The following DLC1 variants were observed in gnomAD, a reference collection of about 807,000 sequenced individuals.
DLC1 encodes the protein rho GTPase-activating protein 7.
DLC1 carries 54 observed loss-of-function variants against 140.3 expected under a neutral mutation model. That is an observed-to-expected ratio of 0.38 (90% CI 0.31 to 0.48). The LOEUF is 0.48. Among genes scored for constraint, DLC1 ranks in the 20% least tolerant of loss-of-function variants. The pLI is 0.96. For synonymous variants in DLC1, 986 were observed against 728.1 expected (o/e 1.35, Z -5.70); for missense variants, 2,536 against 1,907.0 (o/e 1.33, Z -6.14).
intron 4 of DLC1, among the ~76,000 whole-genome samples, chr8:13,385,424 C>G (rs1836477667): frequency 6.6e-6 from 1 of 152,088 alleles, no homozygotes; most frequent in Non-Finnish European, 1.5e-5. Flanking sequence ...TAGAGAAACG[C>G]TAAAACCCAA....
At chr8:13,105,999 G>C (rs887954379) in intron 7 of DLC1, among the ~76,000 whole-genome samples, 3 of 152,194 alleles carry the variant, frequency 2.0e-5, no homozygotes, top group African/African-American at 7.2e-5. Context: ...CAGAAGCCTG[G>C]GCCTTTCCCA....
At chr8:13,094,008 G>T (rs1818296553) in intron 12 of DLC1, among the ~76,000 whole-genome samples, 3 of 152,158 alleles carry the variant, frequency 2.0e-5, no homozygotes. Context: ...AACAGAAAAA[G>T]ATTATTTATT....
chr8:13,563,649 G>T (rs1804325176), intron 1 of DLC1, among the ~76,000 whole-genome samples: 1 of 151,912 alleles, frequency 6.6e-6, no homozygotes, highest in Non-Finnish European at 1.5e-5. Context: ...CTATAGAGGA[G>T]AAACAGATCT....
intron 5 of DLC1, among the ~76,000 whole-genome samples, chr8:13,292,678 A>AT (rs1252799965): frequency 1.3e-5 from 2 of 152,150 alleles, no homozygotes; most frequent in African/African-American, 4.8e-5. Context: ...GTACAAGTGT[A>AT]TTTTTTTAAA....
rs940761787 is a variant in DLC1 at position 13,085,749 on chromosome 8, G to T, written c.*62C>A. The T allele has an allele frequency of 1.9e-6, 3 of 1,607,244 alleles. No individual in the cohort carries two copies. The East Asian group carries it at 6.7e-5, about 36-fold the overall frequency. ...TTAGACACAGAACCCATTCTTCAAG[G>T]ACTGGCAAAAGTTCTAGAAACAAAC... On this transcript the variant is annotated 3_prime_UTR_variant, in exon 18 of 18. Transcript: ENST00000276297.
intron 4 of DLC1, among the ~76,000 whole-genome samples, chr8:13,367,117 G>A (rs1300326148): frequency 2.6e-5 from 4 of 152,084 alleles, no homozygotes; most frequent in Non-Finnish European, 5.9e-5. Context: ...GTGTATTTGT[G>A]TCTCTCTCCT....
intron 4 of DLC1, among the ~76,000 whole-genome samples, chr8:13,322,682 A>T (rs73562571): frequency 0.09 from 13,664 of 152,250 alleles, 667 homozygotes; most frequent in African/African-American, 0.1. Context: ...TCTTTTGGAA[A>T]AGTGTGTCAG....
intron 2 of DLC1, among the ~76,000 whole-genome samples, chr8:13,482,789 A>G (rs529783819): frequency 3.3e-5 from 5 of 152,274 alleles, no homozygotes; most frequent in East Asian, 1.9e-4. Context: ...TCTTCACTCA[A>G]TCACTCATTC....
intron 4 of DLC1, among the ~76,000 whole-genome samples, chr8:13,351,862 T>C (rs1397910609): frequency 6.6e-6 from 1 of 150,898 alleles, no homozygotes; most frequent in Non-Finnish European, 1.5e-5. Context: ...TTTGATTTTT[T>C]TAAATGAAAT....
chr8:13,349,383 C>G (rs7462299), intron 4 of DLC1, among the ~76,000 whole-genome samples: 2 of 151,324 alleles, frequency 1.3e-5, no homozygotes, highest in East Asian at 1.9e-4. Flanking sequence ...CACATTATAG[C>G]GAAAATGGAA....
chr8:13,282,878 G>A, intron 5 of DLC1, among the ~76,000 whole-genome samples: 1 of 152,246 alleles, frequency 6.6e-6, no homozygotes, highest in Non-Finnish European at 1.5e-5. Flanking sequence ...TAAATTAGAA[G>A]ACTTCCTTCT....
At chr8:13,350,639 C>A (rs1456152398) in intron 4 of DLC1, among the ~76,000 whole-genome samples, 1 of 152,068 alleles carries the variant, frequency 6.6e-6, no homozygotes, top group African/African-American at 2.4e-5. Context: ...TCGCTTGAAC[C>A]AGGGAGGCGG....
intron 1 of DLC1, among the ~76,000 whole-genome samples, chr8:13,591,771 T>A (rs1805523782): frequency 6.6e-6 from 1 of 151,914 alleles, no homozygotes; most frequent in African/African-American, 2.4e-5. Context: ...AGATATGAAA[T>A]TTGAGAGAAA....
intron 5 of DLC1, among the ~76,000 whole-genome samples, chr8:13,172,565 C>T (rs1246159591): frequency 2.0e-5 from 3 of 152,232 alleles, no homozygotes; most frequent in Non-Finnish European, 4.4e-5. Flanking sequence ...ACTAATGCTG[C>T]AATTCAGACT....
At chr8:13,542,688 G>C (rs1803525256) in intron 1 of DLC1, among the ~76,000 whole-genome samples, 1 of 151,966 alleles carries the variant, frequency 6.6e-6, no homozygotes, top group Non-Finnish European at 1.5e-5. Context: ...ATAGTTTTCA[G>C]TTTGTAGGCC....
At chr8:13,480,083 A>C (rs6982392) in intron 2 of DLC1, among the ~76,000 whole-genome samples, 108,254 of 151,930 alleles carry the variant, frequency 0.71, 40,917 homozygotes, top group Middle Eastern at 0.88. Context: ...AAACAAAACA[A>C]CTTATTTACA....
intron 7 of DLC1, among the ~76,000 whole-genome samples, chr8:13,104,260 T>A (rs1481661458): frequency 6.6e-6 from 1 of 151,992 alleles, no homozygotes; most frequent in African/African-American, 2.4e-5. Context: ...CATCCTATTG[T>A]CATTTTGATA....
At chr8:13,116,126 G>T in intron 5 of DLC1, 1 of 985,526 alleles carries the variant, frequency 1.0e-6, no homozygotes, top group Non-Finnish European at 1.2e-6. Flanking sequence ...CAGGGGTTGG[G>T]TGTTTCAAAA....
intron 2 of DLC1, among the ~76,000 whole-genome samples, chr8:13,468,603 G>A (rs946074026): frequency 1.1e-4 from 16 of 151,518 alleles, no homozygotes; most frequent in African/African-American, 3.9e-4. Flanking sequence ...TTAAATCCCT[G>A]GCTTCAAGCA....
Sources: allele counts gnomAD v4.1 joint callset (sites outside exome capture counted in the v4.1 genomes callset), GRCh38; gene constraint gnomAD v4.1.1; transcripts MANE v1.5; gene names NCBI Gene and HGNC (gene_info 2026-07-23, HGNC 2026-07-21).